SYNPR: variants seen among roughly 807,000 people sequenced by gnomAD.
SYNPR encodes synaptoporin.
SYNPR carries 23 observed loss-of-function variants against 32.9 expected under a neutral mutation model. The ratio of observed to expected loss-of-function variants is 0.70; its 90% CI spans 0.50 to 0.99. SYNPR has a LOEUF of 0.99. SYNPR is among the 50% of genes least tolerant of loss of function. SYNPR has a pLI of 0.00. For synonymous variants in SYNPR, 146 were observed against 135.9 expected (o/e 1.07, Z -0.52); for missense variants, 318 against 349.3 (o/e 0.91, Z 0.71).
chr3:63,244,434 C>T (rs1168773484), intron 1 of SYNPR, among the ~76,000 whole-genome samples: 1 of 152,062 alleles, frequency 6.6e-6, no homozygotes, highest in Non-Finnish European at 1.5e-5. Flanking sequence ...GTGATGACAA[C>T]TCACTGCAAT....
At chr3:63,442,566 C>T (rs1188983598) in intron 2 of SYNPR, among the ~76,000 whole-genome samples, 10 of 152,164 alleles carry the variant, frequency 6.6e-5, no homozygotes, top group South Asian at 2.1e-4. Flanking sequence ...TTCGGCCCTT[C>T]GAAGTAGTCG....
At chr3:63,312,580 T>C (rs1315602183) in intron 2 of SYNPR, among the ~76,000 whole-genome samples, 2 of 152,064 alleles carry the variant, frequency 1.3e-5, no homozygotes, top group African/African-American at 4.8e-5. Context: ...TCTTTCAACT[T>C]CCTGCAGCCA....
chr3:63,410,378 A>C (rs1046193269), intron 2 of SYNPR, among the ~76,000 whole-genome samples: 10 of 152,146 alleles, frequency 6.6e-5, no homozygotes, highest in Admixed American at 3.9e-4. Flanking sequence ...AATTTCATAG[A>C]GTTTACAATT....
Position 63,593,575 on chromosome 3 carries a change from A to G in SYNPR, c.409-15550A>G, listed in dbSNP as rs138072302. On this transcript the variant is annotated intron_variant, in intron 4 of 5. Coordinates refer to ENST00000478300, the MANE Select transcript of SYNPR (RefSeq NM_001130003.2). ...CTAAGCCACCACAGATTAATTGATA[A>G]AGTTTTCTGGGAACAGTCTAGAAAA... Among the ~76,000 whole-genome samples the G allele has an allele frequency of 5.3e-5, 8 of 152,308 alleles. No individual in the cohort carries two copies. The East Asian group carries it at 1.5e-3, about 29-fold the overall frequency.
chr3:63,351,980 A>G (rs1049693390), intron 2 of SYNPR, among the ~76,000 whole-genome samples: 1 of 152,166 alleles, frequency 6.6e-6, no homozygotes, highest in African/African-American at 2.4e-5. Context: ...CTGTGGGGCA[A>G]TGTGGGATGG....
intron 2 of SYNPR, among the ~76,000 whole-genome samples, chr3:63,429,003 T>C (rs1296502218): frequency 6.6e-6 from 1 of 152,218 alleles, no homozygotes; most frequent in Non-Finnish European, 1.5e-5. Flanking sequence ...AGGGTCATTT[T>C]GTTCAATCAA....
intron 3 of SYNPR, among the ~76,000 whole-genome samples, chr3:63,496,044 G>A (rs2106726922): frequency 6.6e-6 from 1 of 152,120 alleles, no homozygotes; most frequent in Middle Eastern, 3.4e-3. Flanking sequence ...ACTGTGCCTG[G>A]GGAGGAGAGG....
Position 63,557,879 on chromosome 3 carries a change from T to A in SYNPR, c.408+1138T>A, listed in dbSNP as rs187062768. On this transcript the variant is annotated intron_variant, in intron 4 of 5. Coordinates refer to ENST00000478300, the MANE Select transcript of SYNPR (RefSeq NM_001130003.2). ...TTTATCAAAAAAAGTATATATTAAC[T>A]GCTATGGTTTGAATACAGTTTATCC... is the stretch of plus-strand genomic sequence containing the variant. Among the ~76,000 whole-genome samples the A allele has an allele frequency of 2.0e-4, 31 of 152,354 alleles. No individual in the cohort carries two copies. The East Asian group carries it at 4.8e-3, about 24-fold the overall frequency.
chr3:63,433,140 G>A (rs893451905), intron 2 of SYNPR, among the ~76,000 whole-genome samples: 10 of 152,182 alleles, frequency 6.6e-5, no homozygotes, highest in Non-Finnish European at 8.8e-5. Context: ...TCTGAATAGG[G>A]TCTAAGGCTG....
chr3:63,218,980 T>A, the SYNPR span, among the ~76,000 whole-genome samples: 1 of 152,216 alleles, frequency 6.6e-6, no homozygotes, highest in East Asian at 1.9e-4. Flanking sequence ...ACATGATCCC[T>A]GCTCTTACAG....
At chr3:63,495,748 A>G (rs1233364012) in intron 3 of SYNPR, among the ~76,000 whole-genome samples, 3 of 152,130 alleles carry the variant, frequency 2.0e-5, no homozygotes, top group Non-Finnish European at 4.4e-5. Flanking sequence ...TAGCAAAACT[A>G]TGGAGACAGT....
At chr3:63,506,247 C>A (rs1282807020) in intron 3 of SYNPR, among the ~76,000 whole-genome samples, 1 of 152,060 alleles carries the variant, frequency 6.6e-6, no homozygotes, top group Non-Finnish European at 1.5e-5. Flanking sequence ...GGCCCCAATG[C>A]CATGATTGGA....
chr3:63,374,017 C>A (rs906503211), intron 2 of SYNPR, among the ~76,000 whole-genome samples: 1 of 152,102 alleles, frequency 6.6e-6, no homozygotes, highest in African/African-American at 2.4e-5. Context: ...GATCCTTTTC[C>A]GATAAGCAAA....
chr3:63,319,320 AT>A (rs1336688554), intron 2 of SYNPR, among the ~76,000 whole-genome samples: 6 of 152,010 alleles, frequency 3.9e-5, no homozygotes, highest in Non-Finnish European at 8.8e-5. Flanking sequence ...TATTTTGGTT[AT>A]TATAGCTTTG....
At chr3:63,218,256 C>G in the SYNPR span, among the ~76,000 whole-genome samples, 1 of 152,224 alleles carries the variant, frequency 6.6e-6, no homozygotes, top group South Asian at 2.1e-4. Context: ...GTTGATAACC[C>G]TGTTCACTGG....
At chr3:63,343,265 C>G (rs1364476495) in intron 2 of SYNPR, among the ~76,000 whole-genome samples, 1 of 152,182 alleles carries the variant, frequency 6.6e-6, no homozygotes. Context: ...AACAGCTTTT[C>G]ATGGTTTTAA....
intron 2 of SYNPR, among the ~76,000 whole-genome samples, chr3:63,318,223 C>T (rs530274119): frequency 6.6e-6 from 1 of 152,116 alleles, no homozygotes; most frequent in Non-Finnish European, 1.5e-5. Context: ...AACCTGATGA[C>T]AATGTGCCTA....
intron 2 of SYNPR, among the ~76,000 whole-genome samples, chr3:63,338,232 G>C (rs2087319152): frequency 6.6e-6 from 1 of 152,098 alleles, no homozygotes; most frequent in Non-Finnish European, 1.5e-5. Context: ...TAAATTCTTG[G>C]CAGAATTTCT....
At chr3:63,607,499 C>A (rs1275203898) in intron 4 of SYNPR, among the ~76,000 whole-genome samples, 1 of 152,060 alleles carries the variant, frequency 6.6e-6, no homozygotes, top group African/African-American at 2.4e-5. Flanking sequence ...TACCTCATCT[C>A]AGAAAGGCTC....
Sources: gnomAD v4.1 joint callset for allele counts (sites outside exome capture counted in the v4.1 genomes callset) on GRCh38, gnomAD v4.1.1 for gene constraint, MANE v1.5 for transcripts, NCBI Gene and HGNC (gene_info 2026-07-23, HGNC 2026-07-21) for gene names.